The following BEND7 variants were observed in gnomAD, a reference collection of about 807,000 sequenced individuals.
BEND7 encodes the protein BEN domain containing 7, also known as BEN domain-containing protein 7.
BEND7 carries 28 observed loss-of-function variants against 50.9 expected under a neutral mutation model. The ratio of observed to expected loss-of-function variants is 0.55; its 90% confidence interval spans 0.41 to 0.75. The LOEUF is 0.75. Among genes scored for constraint, BEND7 ranks in the 30% least tolerant of loss-of-function variants. BEND7 has a pLI of 0.00. For synonymous variants in BEND7, 170 were observed against 183.9 expected, an observed-to-expected ratio of 0.92 and a Z score of 0.61; for missense variants, 477 against 491.3, an observed-to-expected ratio of 0.97 and a Z score of 0.28.
chr10:13,520,537 A>G (rs1192422259), intron 2 of BEND7, among the ~76,000 whole-genome samples: 15 of 152,010 alleles, frequency 9.9e-5, no homozygotes, highest in Admixed American at 9.2e-4. Context: ...TAAGCAGGAG[A>G]GAGGGTGAGA....
At chr10:13,457,078 A>G (rs1161738614) in intron 6 of BEND7, among the ~76,000 whole-genome samples, 1 of 152,244 alleles carries the variant, frequency 6.6e-6, no homozygotes, top group African/African-American at 2.4e-5. Context: ...TAGCAGGTAC[A>G]CATCTCCCCC....
chr10:13,526,286 G>T, intron 1 of BEND7, 65 bp from the exon 2 acceptor site: 1 of 738,832 alleles, frequency 1.4e-6, no homozygotes, highest in Non-Finnish European at 1.9e-6. Context: ...AAGCAGTCAA[G>T]TCTAGAATCT....
upstream of BEND7, among the ~76,000 whole-genome samples, chr10:13,529,165 C>G (rs932547283): frequency 6.2e-5 from 9 of 144,732 alleles, 1 homozygote; most frequent in African/African-American, 9.9e-5. Context: ...CGCGCGGCGC[C>G]CCGAGGAGGC....
intron 2 of BEND7, chr10:13,500,924 G>A: frequency 1.3e-6 from 1 of 773,186 alleles, no homozygotes; most frequent in Non-Finnish European, 1.6e-6. Flanking sequence ...GTGTGCGAAA[G>A]GTCACAGGCC....
In BEND7 at chr10:13,503,252, C is replaced by A. The variant is rs142648452; in HGVS notation, c.146-3172G>T. ...CTGCCGTGTGCAGAAACATGTCTCC[C>A]AAAGGCAAAACAAAACGAAACAAAT... On this transcript the variant is annotated intron_variant, in intron 2 of 8. Coordinates refer to ENST00000466271, the MANE Select transcript of BEND7 (RefSeq NM_001369863.1). Among the ~76,000 whole-genome samples, 267 of 152,252 alleles carry A rather than the reference C, an allele frequency of 1.8e-3. 1 individual carries two copies. Among genetic ancestry groups the A allele is most frequent in the Admixed American group, 6.5e-3 (100 of 15,290 alleles).
intron 6 of BEND7, among the ~76,000 whole-genome samples, chr10:13,474,728 C>T (rs149988628): frequency 1.8e-4 from 28 of 152,212 alleles, no homozygotes; most frequent in African/African-American, 6.0e-4. Context: ...GTGTTGGACT[C>T]GGGTCGATAC....
intron 5 of BEND7, among the ~76,000 whole-genome samples, chr10:13,489,376 G>A (rs907917855): frequency 5.3e-5 from 8 of 152,070 alleles, no homozygotes; most frequent in East Asian, 1.9e-4. Context: ...CTGAGTGTTC[G>A]TCACACACAG....
At chr10:13,486,176 GC>G (rs2131847395) in intron 5 of BEND7, among the ~76,000 whole-genome samples, 1 of 152,310 alleles carries the variant, frequency 6.6e-6, no homozygotes, top group Admixed American at 6.5e-5. Flanking sequence ...ACCCTGCCCA[GC>G]AAATTTTTAA....
At chr10:13,476,765 G>C (rs1244801257) in intron 6 of BEND7, among the ~76,000 whole-genome samples, 1 of 152,152 alleles carries the variant, frequency 6.6e-6, no homozygotes, top group African/African-American at 2.4e-5. Flanking sequence ...CATCAATTCT[G>C]AATCAAATCC....
intron 6 of BEND7, among the ~76,000 whole-genome samples, chr10:13,476,116 C>T (rs1226418435): frequency 1.3e-5 from 2 of 151,884 alleles, no homozygotes; most frequent in African/African-American, 4.8e-5. Context: ...TTATTAAATC[C>T]TAATGGAAAT....
At chr10:13,452,737 A>G in intron 6 of BEND7, 79 bp from the exon 7 acceptor site, 1 of 1,344,694 alleles carries the variant, frequency 7.4e-7, no homozygotes, top group East Asian at 2.4e-5. Context: ...TATTCTAAAA[A>G]GAAAAAAAAG....
chr10:13,493,274 G>A (rs536991791), intron 4 of BEND7, among the ~76,000 whole-genome samples: 1 of 152,246 alleles, frequency 6.6e-6, no homozygotes, highest in African/African-American at 2.4e-5. Context: ...TCCTGTTTCA[G>A]GATTACATTT....
At chr10:13,527,868 G>C (rs2079531043) in intron 1 of BEND7, 1 of 982,336 alleles carries the variant, frequency 1.0e-6, no homozygotes, top group Admixed American at 6.2e-5. Flanking sequence ...GAAACTAGAT[G>C]GATTTCTTTT....
At chr10:13,519,092 C>A (rs552324667) in intron 2 of BEND7, among the ~76,000 whole-genome samples, 2 of 152,150 alleles carry the variant, frequency 1.3e-5, no homozygotes, top group African/African-American at 2.4e-5. Context: ...TAAAGCCACA[C>A]ACAAAAATAA....
At chr10:13,479,215 G>C (rs571831375) in intron 6 of BEND7, among the ~76,000 whole-genome samples, 1 of 151,906 alleles carries the variant, frequency 6.6e-6, no homozygotes, top group East Asian at 1.9e-4. Context: ...CACCATGTTG[G>C]CCAGGCTGGT....
chr10:13,447,469 A>C (rs1836626681), intron 7 of BEND7, 153 bp from the exon 8 acceptor site: 1 of 522,710 alleles, frequency 1.9e-6, no homozygotes. Context: ...CATATTACAG[A>C]TGTTAATATC....
chr10:13,521,064 T>A lies in BEND7; in HGVS notation c.145+5074A>T, dbSNP rs192728758. On this transcript the variant is annotated intron_variant, in intron 2 of 8. Transcript: ENST00000466271. The stretch of plus-strand genomic sequence containing the variant: ...TTGGGAACTGTCTAGACCAGGAGTT[T>A]TAAAACAGTGACTGGGGGCGCCCTA... 2.0e-3 allele frequency among the ~76,000 whole-genome samples: 297 copies of A among 152,196 alleles called. 1 individual carries two copies. Among genetic ancestry groups the A allele is most frequent in the African/African-American group, 6.9e-3 (287 of 41,528 alleles).
At chr10:13,482,527 T>C (rs973569334) in intron 5 of BEND7, among the ~76,000 whole-genome samples, 1 of 152,210 alleles carries the variant, frequency 6.6e-6, no homozygotes, top group African/African-American at 2.4e-5. Flanking sequence ...CCTATCACTT[T>C]TCAACATGCC....
intron 6 of BEND7, among the ~76,000 whole-genome samples, chr10:13,471,961 C>T (rs1392268044): frequency 1.3e-5 from 2 of 150,706 alleles, no homozygotes; most frequent in Non-Finnish European, 2.9e-5. Context: ...CACTGTTAGA[C>T]TCGGGGTCAA....
Sources: gnomAD v4.1 joint callset for allele counts (sites outside exome capture counted in the v4.1 genomes callset) on GRCh38, gnomAD v4.1.1 for gene constraint, MANE v1.5 for transcripts, NCBI Gene and HGNC (gene_info 2026-07-23, HGNC 2026-07-21) for gene names.